The following NTM variants were observed in gnomAD, a reference collection of about 807,000 sequenced individuals.
The protein encoded by NTM is IgLON family member 2.
Under a neutral mutation model 42.1 loss-of-function variants are expected in NTM, and 13 were observed. The ratio of observed to expected loss-of-function variants is 0.31; its 90% CI spans 0.20 to 0.49. The LOEUF is 0.49. Among genes scored for constraint, NTM ranks in the 20% least tolerant of loss-of-function variants. The pLI, the probability that NTM is intolerant of heterozygous loss-of-function variation, is 0.99. For synonymous variants in NTM, 187 were observed against 179.2 expected (o/e 1.04, Z -0.35); for missense variants, 373 against 452.8 (o/e 0.82, Z 1.60).
chr11:132,287,902 T>C (rs1444290363), intron 4 of NTM, among the ~76,000 whole-genome samples: 1 of 152,232 alleles, frequency 6.6e-6, no homozygotes, highest in Non-Finnish European at 1.5e-5. Flanking sequence ...TTGGTGTATA[T>C]GTGTCTATTT....
At chr11:132,197,258 T>G (rs1430629232) in intron 3 of NTM, among the ~76,000 whole-genome samples, 1 of 152,120 alleles carries the variant, frequency 6.6e-6, no homozygotes, top group Non-Finnish European at 1.5e-5. Flanking sequence ...TAAATTATAT[T>G]GAGGACAGGG....
chr11:131,941,329 C>A (rs1433934441), intron 2 of NTM, among the ~76,000 whole-genome samples: 2 of 152,152 alleles, frequency 1.3e-5, no homozygotes, highest in African/African-American at 4.8e-5. Context: ...TCTCTGCCAT[C>A]CCTGCCCCAG....
chr11:131,412,878 G>A (rs535771763), intron 1 of NTM, among the ~76,000 whole-genome samples: 16 of 152,150 alleles, frequency 1.1e-4, no homozygotes, highest in African/African-American at 3.9e-4. Flanking sequence ...CTGCTGAATC[G>A]TTTAAGTGGA....
At chr11:132,128,778 AT>A (rs1188010993) in intron 2 of NTM, among the ~76,000 whole-genome samples, 3 of 151,720 alleles carry the variant, frequency 2.0e-5, no homozygotes, top group South Asian at 4.2e-4. Flanking sequence ...AAATAAAAAA[AT>A]AAAATAAAAT....
intron 1 of NTM, among the ~76,000 whole-genome samples, chr11:131,792,220 TA>T (rs1180485795): frequency 6.6e-6 from 1 of 151,802 alleles, no homozygotes; most frequent in Non-Finnish European, 1.5e-5. Flanking sequence ...TATCTACCCA[TA>T]AAAAATAAAA....
At chr11:132,265,066 T>G (rs1192621669) in intron 4 of NTM, among the ~76,000 whole-genome samples, 1 of 152,206 alleles carries the variant, frequency 6.6e-6, no homozygotes, top group Non-Finnish European at 1.5e-5. Context: ...TAGTAGTAGC[T>G]AAGGTGAGAG....
intron 1 of NTM, among the ~76,000 whole-genome samples, chr11:131,665,035 G>A (rs1439257035): frequency 6.6e-6 from 1 of 152,120 alleles, no homozygotes; most frequent in African/African-American, 2.4e-5. Context: ...TACCCACCAA[G>A]CCTTAGGGAG....
At chr11:131,907,151 G>A (rs1020017601) in intron 1 of NTM, among the ~76,000 whole-genome samples, 9 of 152,204 alleles carry the variant, frequency 5.9e-5, no homozygotes, top group African/African-American at 1.4e-4. Context: ...CTTTTTCGAC[G>A]AGGAGAAGCA....
intron 2 of NTM, among the ~76,000 whole-genome samples, chr11:131,931,920 G>A (rs1050094237): frequency 3.3e-5 from 5 of 152,210 alleles, no homozygotes; most frequent in African/African-American, 1.2e-4. Context: ...ACGCATTTCT[G>A]GCGGGAGAGA....
At chr11:132,316,456 T>C (rs1555091739) in intron 7 of NTM, among the ~76,000 whole-genome samples, 1 of 152,232 alleles carries the variant, frequency 6.6e-6, no homozygotes, top group Non-Finnish European at 1.5e-5. Context: ...GCCAGCTCTC[T>C]GGCGTCCAGG....
At chr11:132,045,620 A>C (rs61901972) in intron 2 of NTM, among the ~76,000 whole-genome samples, 9,496 of 152,252 alleles carry the variant, frequency 0.062, 352 homozygotes, top group South Asian at 0.18. Flanking sequence ...ATCCAACCAG[A>C]AAGGTACGGG....
intron 1 of NTM, among the ~76,000 whole-genome samples, chr11:131,657,594 A>G (rs1565384080): frequency 6.6e-6 from 1 of 152,134 alleles, no homozygotes; most frequent in Admixed American, 6.5e-5. Flanking sequence ...TGTCTTGTCA[A>G]TAGGATGCTA....
At chr11:132,330,108 G>A (rs914777441) in intron 7 of NTM, 45 bp from the exon 8 acceptor site, 16 of 1,550,314 alleles carry the variant, frequency 1.0e-5, no homozygotes, top group African/African-American at 9.6e-5. Context: ...GAGCATCTCC[G>A]TCTGCTTTCG....
intron 1 of NTM, among the ~76,000 whole-genome samples, chr11:131,627,683 AAC>A (rs1480126928): frequency 6.6e-6 from 1 of 152,020 alleles, no homozygotes; most frequent in Non-Finnish European, 1.5e-5. Context: ...ATAAAAAATT[AAC>A]ACAGGCATGC....
rs369914705 is a variant in NTM, at chr11:131,960,731, G to A, written c.167+49083G>A. On this transcript the variant is annotated intron_variant, in intron 2 of 8. Transcript: ENST00000683400. Reference sequence around the variant, plus strand: ...GGTTCTATGACAAAAGATCCATCCTGTTCCCTTCCAGGGTCTACAGCGTTC... The same window carrying A: ...GGTTCTATGACAAAAGATCCATCCTATTCCCTTCCAGGGTCTACAGCGTTC... Among the ~76,000 whole-genome samples the A allele has an allele frequency of 3.0e-4, 46 of 152,280 alleles. No homozygotes were observed. In the South Asian group the frequency reaches 9.3e-3, roughly 31 times the overall value.
At chr11:132,263,012 C>T (rs543189358) in intron 4 of NTM, among the ~76,000 whole-genome samples, 33 of 152,292 alleles carry the variant, frequency 2.2e-4, no homozygotes, top group African/African-American at 7.7e-4. Context: ...GAAGGGGCAA[C>T]GGTTCCCAGG....
At chr11:132,239,589 A>G (rs1319818585) in intron 4 of NTM, among the ~76,000 whole-genome samples, 3 of 151,962 alleles carry the variant, frequency 2.0e-5, no homozygotes, top group Non-Finnish European at 4.4e-5. Flanking sequence ...TTTAATATGT[A>G]ATCTCAAGAA....
At position 131,787,520 on chromosome 11, in the gene NTM, G is replaced by A. The variant is rs564539031; in HGVS notation, c.83-124044G>A. Among the ~76,000 whole-genome samples the A allele has an allele frequency of 3.3e-3, 502 of 151,890 alleles. 4 individuals are homozygous for A. The highest frequency in any genetic ancestry group is 0.011 in the African/African-American group (465 of 41,428). ...CCTGCCTCAGCCTTTGGAGTAGCTG[G>A]GGCTACAGGCACGCAGCACCATGCC... On this transcript the variant is annotated intron_variant, in intron 1 of 8. Coordinates refer to ENST00000683400, the MANE Select transcript of NTM (RefSeq NM_001352005.2).
At chr11:131,501,343 G>A (rs1038655512) in intron 1 of NTM, among the ~76,000 whole-genome samples, 1 of 152,160 alleles carries the variant, frequency 6.6e-6, no homozygotes, top group Non-Finnish European at 1.5e-5. Context: ...GCCCCTCTGA[G>A]GAGGTGAGTT....
Sources: allele counts gnomAD v4.1 joint callset (sites outside exome capture counted in the v4.1 genomes callset), GRCh38; gene constraint gnomAD v4.1.1; transcripts MANE v1.5; gene names NCBI Gene and HGNC (gene_info 2026-07-23, HGNC 2026-07-21).